Variants in ACYP2 observed in about 807,000 individuals in gnomAD.
The protein encoded by ACYP2 is acylphosphatase-2.
ACYP2 carries 12 observed loss-of-function variants against 11.2 expected under a neutral mutation model. The ratio of observed to expected loss-of-function variants is 1.08; its 90% CI spans 0.69 to 1.74. The LOEUF is 1.74. ACYP2 is among the 40% of genes most tolerant of loss of function. The probability of loss-of-function intolerance (pLI) is 0.00; values close to 1 mark genes in which losing one functional copy is unlikely to be tolerated. For synonymous variants in ACYP2, 43 were observed against 32.2 expected (o/e 1.33, Z -1.13); for missense variants, 134 against 101.9 (o/e 1.31, Z -1.35).
intron 4 of ACYP2, 143 bp from the exon 1 acceptor site, chr2:54,115,472 G>T (rs908314110): frequency 5.8e-6 from 7 of 1,213,476 alleles, no homozygotes; most frequent in East Asian, 2.7e-5. Context: ...AGGATGCCTG[G>T]GGCCCAGCGG....
chr2:53,988,179 A>G (rs1451752549), intron 2 of ACYP2, among the ~76,000 whole-genome samples: 1 of 152,152 alleles, frequency 6.6e-6, no homozygotes, highest in African/African-American at 2.4e-5. Context: ...AGCCTGTGCA[A>G]CATATCAAGA....
intron 6 of ACYP2, among the ~76,000 whole-genome samples, chr2:54,187,571 A>C (rs182969312): frequency 6.6e-6 from 1 of 152,340 alleles, no homozygotes; most frequent in Non-Finnish European, 1.5e-5. Flanking sequence ...GCAAATAGCA[A>C]GGTCCAGGGA....
intron 2 of ACYP2, among the ~76,000 whole-genome samples, chr2:54,010,233 C>T (rs772924590): frequency 1.8e-4 from 28 of 152,150 alleles, no homozygotes; most frequent in East Asian, 1.9e-4. Flanking sequence ...CCTGTAATCC[C>T]AGCACTTTGG....
intron 6 of ACYP2, among the ~76,000 whole-genome samples, chr2:54,149,425 A>G (rs1682044075): frequency 6.6e-6 from 1 of 152,204 alleles, no homozygotes; most frequent in Non-Finnish European, 1.5e-5. Flanking sequence ...AAATTGTACT[A>G]TATTATTCCA....
At chr2:54,083,446 C>G (rs559255699) in intron 4 of ACYP2, among the ~76,000 whole-genome samples, 1 of 152,324 alleles carries the variant, frequency 6.6e-6, no homozygotes, top group African/African-American at 2.4e-5. Context: ...CTTCCCACAG[C>G]TGACCCAAAA....
intron 6 of ACYP2, among the ~76,000 whole-genome samples, chr2:54,224,849 G>C (rs987715893): frequency 3.3e-5 from 5 of 152,174 alleles, no homozygotes; most frequent in African/African-American, 1.2e-4. Context: ...TTAGATGAAA[G>C]AAATATACAT....
chr2:54,052,134 T>G (rs1452190439), intron 3 of ACYP2, among the ~76,000 whole-genome samples: 1 of 151,962 alleles, frequency 6.6e-6, no homozygotes, highest in Non-Finnish European at 1.5e-5. Flanking sequence ...AGGATGAAGA[T>G]GAAGAAGATG....
chr2:54,031,947 T>A (rs888006584), intron 2 of ACYP2, among the ~76,000 whole-genome samples: 1 of 152,246 alleles, frequency 6.6e-6, no homozygotes, highest in African/African-American at 2.4e-5. Flanking sequence ...TCTGTTCATA[T>A]CCTTCGCCCA....
intron 2 of ACYP2, among the ~76,000 whole-genome samples, chr2:53,984,423 C>G (rs974648352): frequency 6.6e-6 from 1 of 151,412 alleles, no homozygotes; most frequent in Non-Finnish European, 1.5e-5. Flanking sequence ...ACTCAAAATA[C>G]AAAATTAGCT....
At chr2:54,067,128 T>C (rs948490939) in intron 4 of ACYP2, among the ~76,000 whole-genome samples, 1 of 152,228 alleles carries the variant, frequency 6.6e-6, no homozygotes, top group African/African-American at 2.4e-5. Context: ...TAAAGCATTA[T>C]ACAAATGCAG....
At chr2:54,281,469 G>A (rs1688846255) in intron 6 of ACYP2, among the ~76,000 whole-genome samples, 1 of 152,184 alleles carries the variant, frequency 6.6e-6, no homozygotes, top group Non-Finnish European at 1.5e-5. Context: ...CCCAGGACAG[G>A]TAAAGATGAG....
At chr2:54,276,988 G>A (rs1688624885) in intron 6 of ACYP2, among the ~76,000 whole-genome samples, 1 of 151,904 alleles carries the variant, frequency 6.6e-6, no homozygotes, top group Non-Finnish European at 1.5e-5. Flanking sequence ...AAATTTAATG[G>A]CTATTATTTC....
chr2:54,126,581 C>T (rs1486401938), intron 4 of ACYP2, among the ~76,000 whole-genome samples: 2 of 114,476 alleles, frequency 1.7e-5, no homozygotes, highest in Admixed American at 1.2e-4. Flanking sequence ...GTGACACACT[C>T]ATAGAGTCAA....
At chr2:54,221,393 AG>A (rs1210640449) in intron 6 of ACYP2, among the ~76,000 whole-genome samples, 5 of 152,238 alleles carry the variant, frequency 3.3e-5, no homozygotes, top group Non-Finnish European at 7.4e-5. Context: ...GTAAAATTAT[AG>A]ATGGCTAACC....
chr2:54,044,846 C>G (rs1675430055), intron 2 of ACYP2, among the ~76,000 whole-genome samples: 1 of 151,964 alleles, frequency 6.6e-6, no homozygotes, highest in Non-Finnish European at 1.5e-5. Context: ...TGAAACCATC[C>G]CTATAAACTT....
At chr2:53,983,546 G>C (rs533800019) in intron 2 of ACYP2, among the ~76,000 whole-genome samples, 1 of 152,244 alleles carries the variant, frequency 6.6e-6, no homozygotes, top group Admixed American at 6.5e-5. Context: ...GCTTGAGGTA[G>C]AGGAAGAATT....
intron 4 of ACYP2, among the ~76,000 whole-genome samples, chr2:54,077,990 G>A (rs1677436656): frequency 6.8e-6 from 1 of 146,158 alleles, no homozygotes; most frequent in African/African-American, 2.5e-5. Context: ...TTTTTTTCAA[G>A]ATGGAGTCTC....
chr2:54,149,606 C>A (rs1173104584), intron 6 of ACYP2, among the ~76,000 whole-genome samples: 2 of 151,972 alleles, frequency 1.3e-5, no homozygotes, highest in Non-Finnish European at 2.9e-5. Flanking sequence ...TGAATAAGTC[C>A]TCAGAAAATA....
rs189003508 is a variant in ACYP2, at chr2:54,265,956, A to C, written c.405-38732A>C. On this transcript the variant is annotated intron_variant, in intron 6 of 6. Coordinates refer to ENST00000607452, the MANE Select transcript of ACYP2 (RefSeq NM_001320586.2). ...AAAATAGAGAATACCCCTTCTTTTC[A>C]CGTGCCCATTGGACATTCACAAAAA... 2.8e-3 allele frequency among the ~76,000 whole-genome samples: 434 copies of C among 152,310 alleles called. 3 individuals carry two copies. The highest frequency in any genetic ancestry group is 9.8e-3 in the African/African-American group (409 of 41,570).
Sources: allele counts gnomAD v4.1 joint callset (sites outside exome capture counted in the v4.1 genomes callset), GRCh38; gene constraint gnomAD v4.1.1; transcripts MANE v1.5; gene names NCBI Gene and HGNC (gene_info 2026-07-23, HGNC 2026-07-21).